Variants in CIMAP2 observed in about 807,000 individuals in gnomAD.
CIMAP2 encodes the protein ciliary microtubule associated protein 2, also known as ciliary microtubule-associated protein 2.
chr1:54,806,844 A>G, the CIMAP2 span: 1 of 738,834 alleles, frequency 1.4e-6, no homozygotes, highest in Non-Finnish European at 2.4e-6. Flanking sequence ...AGCCTGGAAC[A>G]TTCAAAGCCA....
At chr1:54,806,230 G>T in the CIMAP2 span, 3 of 1,518,622 alleles carry the variant, frequency 2.0e-6, no homozygotes, top group Admixed American at 6.4e-5. Flanking sequence ...GGTGGGGCCC[G>T]TTTGCGTCCT....
chr1:54,833,607 A>G, the CIMAP2 span, among the ~76,000 whole-genome samples: 1 of 152,060 alleles, frequency 6.6e-6, no homozygotes, highest in Non-Finnish European at 1.5e-5. Flanking sequence ...TTTGTTTTCC[A>G]TTCTGTAGAG....
chr1:54,826,980 C>T, the CIMAP2 span, among the ~76,000 whole-genome samples: 1 of 152,220 alleles, frequency 6.6e-6, no homozygotes, highest in Non-Finnish European at 1.5e-5. Context: ...TTCCTTTATA[C>T]TTTTAGTGGG....
At chr1:54,809,283 T>C in the CIMAP2 span, among the ~76,000 whole-genome samples, 1 of 152,078 alleles carries the variant, frequency 6.6e-6, no homozygotes. Context: ...CCAGGGTCTT[T>C]CTCCTACACC....
the CIMAP2 span, chr1:54,815,043 A>G: frequency 9.3e-6 from 15 of 1,614,086 alleles, no homozygotes; most frequent in Non-Finnish European, 1.2e-5. Context: ...AAGCTGGGTA[A>G]GTGGGTCTGG....
chr1:54,824,916 T>C, the CIMAP2 span, among the ~76,000 whole-genome samples: 3 of 151,576 alleles, frequency 2.0e-5, no homozygotes, highest in Non-Finnish European at 4.4e-5. Flanking sequence ...GGAGAAATAT[T>C]GTATTCCTTG....
chr1:54,823,105 G>C, the CIMAP2 span, among the ~76,000 whole-genome samples: 1 of 152,120 alleles, frequency 6.6e-6, no homozygotes, highest in Non-Finnish European at 1.5e-5. Context: ...CTATAGTGTA[G>C]ATTAAGTCTC....
the CIMAP2 span, among the ~76,000 whole-genome samples, chr1:54,812,900 T>C: frequency 2.0e-5 from 3 of 152,108 alleles, no homozygotes; most frequent in Non-Finnish European, 2.9e-5. Flanking sequence ...GAGCAGGCAA[T>C]GAGTGCTACG....
chr1:54,826,346 C>A, the CIMAP2 span, among the ~76,000 whole-genome samples: 35 of 152,182 alleles, frequency 2.3e-4, no homozygotes, highest in Admixed American at 5.2e-4. Flanking sequence ...GGGTGTAGGA[C>A]ACTGCATGGG....
At chr1:54,807,430 C>T in the CIMAP2 span, 2 of 1,393,972 alleles carry the variant, frequency 1.4e-6, no homozygotes, top group South Asian at 3.1e-5. Context: ...TGCCTACTCC[C>T]TTCCTCCGGG....
At chr1:54,836,304 CCT>C in the CIMAP2 span, among the ~76,000 whole-genome samples, 1 of 212 alleles carries the variant, frequency 4.7e-3, no homozygotes, top group Non-Finnish European at 0.01. Context: ...TGCCTGCCTG[CCT>C]GCCTGCCTGC....
At chr1:54,806,101 A>C in the CIMAP2 span, 11 of 1,505,628 alleles carry the variant, frequency 7.3e-6, no homozygotes, top group Non-Finnish European at 8.9e-6. Context: ...GGAGGCGGGC[A>C]GCGCGCAGGC....
the CIMAP2 span, among the ~76,000 whole-genome samples, chr1:54,809,691 A>T: frequency 6.6e-6 from 1 of 151,990 alleles, no homozygotes; most frequent in African/African-American, 2.4e-5. Context: ...TAGTTCTTGG[A>T]CTTTGCTCCC....
chr1:54,814,803 C>T, the CIMAP2 span: 1 of 1,495,208 alleles, frequency 6.7e-7, no homozygotes, highest in Non-Finnish European at 9.1e-7. Context: ...GGCTCAAGAC[C>T]CAGGGCTGCT....
chr1:54,822,946 G>T, the CIMAP2 span, among the ~76,000 whole-genome samples: 1 of 152,162 alleles, frequency 6.6e-6, no homozygotes, highest in East Asian at 1.9e-4. Flanking sequence ...TACTTGGTAT[G>T]ATTTTGATTT....
the CIMAP2 span, chr1:54,814,877 G>T: frequency 6.2e-7 from 1 of 1,613,142 alleles, no homozygotes; most frequent in African/African-American, 1.3e-5. Context: ...CACTGCCAGA[G>T]CCTCTCCAGA....
At chr1:54,810,451 G>A in the CIMAP2 span, among the ~76,000 whole-genome samples, 1 of 152,144 alleles carries the variant, frequency 6.6e-6, no homozygotes, top group Non-Finnish European at 1.5e-5. Context: ...TATCCTTGGG[G>A]GCTTTCTCCA....
chr1:54,811,767 C>CGCGGGG, the CIMAP2 span: 1 of 1,088,170 alleles, frequency 9.2e-7, no homozygotes. Flanking sequence ...TTCTGACAGC[C>CGCGGGG]TCCATGCCCC....
At chr1:54,806,134 TGCC>T in the CIMAP2 span, 3 of 1,544,756 alleles carry the variant, frequency 1.9e-6, no homozygotes, top group East Asian at 7.2e-5. Flanking sequence ...AAAGCCAGGA[TGCC>T]GCCGGAGCTC....
Sources: gnomAD v4.1 joint callset for allele counts (sites outside exome capture counted in the v4.1 genomes callset) on GRCh38, gnomAD v4.1.1 for gene constraint, MANE v1.5 for transcripts, NCBI Gene and HGNC (gene_info 2026-07-23, HGNC 2026-07-21) for gene names.